Variants in GNG12 observed in about 807,000 individuals in gnomAD.
GNG12 encodes the protein guanine nucleotide-binding protein G(I)/G(S)/G(O) subunit gamma-12.
For missense variants in GNG12, 69 were observed against 83.8 expected (o/e 0.82, Z 0.69); for synonymous variants, 28 against 29.7 (o/e 0.94, Z 0.19).
chr1:67,782,452 T>C (rs1169817499), intron 1 of GNG12, among the ~76,000 whole-genome samples: 1 of 152,154 alleles, frequency 6.6e-6, no homozygotes, highest in Non-Finnish European at 1.5e-5. Flanking sequence ...ACCACCCCAT[T>C]ATCTCCACCT....
rs141787042 is a variant in GNG12 at position 67,791,392 on chromosome 1, G to A, written c.-76-13885C>T. ...TCCAGTCTCAGCTTGCTCTTTGAACGTCAGACTTACTTGTCTGACTGATTT... is the reference window on the plus strand; with the variant it reads ...TCCAGTCTCAGCTTGCTCTTTGAACATCAGACTTACTTGTCTGACTGATTT... On this transcript the variant is annotated intron_variant, in intron 1 of 3. Transcript: ENST00000370982. Among the ~76,000 whole-genome samples, 1,195 of 152,034 alleles carry A rather than the reference G, an allele frequency of 7.9e-3. 17 individuals are homozygous for A. The highest frequency in any genetic ancestry group is 0.027 in the African/African-American group (1,125 of 41,424).
intron 2 of GNG12, among the ~76,000 whole-genome samples, chr1:67,713,852 A>G (rs1442298420): frequency 2.6e-5 from 4 of 152,244 alleles, no homozygotes; most frequent in Non-Finnish European, 5.9e-5. Flanking sequence ...GCCGGCCCCT[A>G]GGCTCACTAA....
intron 1 of GNG12, among the ~76,000 whole-genome samples, chr1:67,792,514 T>G (rs1324119879): frequency 6.6e-6 from 1 of 152,236 alleles, no homozygotes; most frequent in East Asian, 1.9e-4. Context: ...ACCTCATGGC[T>G]ACATTCTGAA....
intron 2 of GNG12, among the ~76,000 whole-genome samples, chr1:67,764,235 A>C (rs902057222): frequency 1.3e-5 from 2 of 152,188 alleles, no homozygotes; most frequent in African/African-American, 4.8e-5. Context: ...CTCCAGGTAG[A>C]CAGGGAATAG....
chr1:67,737,538 C>T (rs1646459213), intron 2 of GNG12, among the ~76,000 whole-genome samples: 2 of 152,072 alleles, frequency 1.3e-5, no homozygotes, highest in Non-Finnish European at 2.9e-5. Context: ...CTTCCCTTTC[C>T]CTTTCTGCAT....
intron 2 of GNG12, among the ~76,000 whole-genome samples, chr1:67,767,361 G>A (rs493549): frequency 0.54 from 82,057 of 152,002 alleles, 23,284 homozygotes; most frequent in South Asian, 0.63. Context: ...ATTGCCTGGA[G>A]ACAGATACCG....
chr1:67,825,529 A>T (rs570179505), intron 1 of GNG12, among the ~76,000 whole-genome samples: 1 of 152,330 alleles, frequency 6.6e-6, no homozygotes, highest in East Asian at 1.9e-4. Flanking sequence ...AACTTAAAAA[A>T]GCAAGAAAGT....
chr1:67,728,634 G>T (rs963816997), intron 2 of GNG12, among the ~76,000 whole-genome samples: 1 of 152,136 alleles, frequency 6.6e-6, no homozygotes, highest in Non-Finnish European at 1.5e-5. Context: ...ATATGCACAC[G>T]GGGAAGGGAG....
intron 1 of GNG12, among the ~76,000 whole-genome samples, chr1:67,822,095 A>C (rs998938905): frequency 2.0e-5 from 3 of 151,954 alleles, no homozygotes; most frequent in Non-Finnish European, 4.4e-5. Flanking sequence ...AAAATCTCAT[A>C]ATGTTTTAAG....
At chr1:67,799,682 C>T (rs1030717466) in intron 1 of GNG12, among the ~76,000 whole-genome samples, 9 of 152,124 alleles carry the variant, frequency 5.9e-5, no homozygotes, top group South Asian at 2.1e-4. Context: ...CTGATATATA[C>T]TGTTAGAAAT....
chr1:67,761,633 T>C (rs140919892), intron 2 of GNG12, among the ~76,000 whole-genome samples: 377 of 152,310 alleles, frequency 2.5e-3, no homozygotes, highest in Non-Finnish European at 4.2e-3. Context: ...CAGGTCGACT[T>C]GGCTCTTTGG....
Position 67,703,515 on chromosome 1 carries a change from A to G in GNG12, c.*1936T>C, listed in dbSNP as rs928914252. On this transcript the variant is annotated 3_prime_UTR_variant, in exon 4 of 4. Coordinates refer to ENST00000370982, the MANE Select transcript of GNG12 (RefSeq NM_018841.6). ...AGAAAAATAGACTTATAAAAAAAAG[A>G]ATGTCTCATTAAGTGAAGCATTAAA... is the stretch of plus-strand genomic sequence containing the variant. 1 of 152,240 alleles carries G rather than the reference A, an allele frequency of 6.6e-6. No individual in the cohort carries two copies. The highest frequency in any genetic ancestry group is 1.5e-5 in the Non-Finnish European group (1 of 68,048). 9.4% of individuals were successfully genotyped at this position (152,240 alleles called of 1,614,324 possible). A position where few individuals can be genotyped will look rare whatever the true frequency, so the allele number is the denominator to read the frequency against.
intron 2 of GNG12, among the ~76,000 whole-genome samples, chr1:67,744,456 C>T (rs1646497964): frequency 6.6e-6 from 1 of 152,224 alleles, no homozygotes; most frequent in Admixed American, 6.5e-5. Flanking sequence ...GTGCCCTACA[C>T]TGTGCTCGGG....
At chr1:67,779,676 C>T (rs192245542) in intron 1 of GNG12, among the ~76,000 whole-genome samples, 3 of 152,288 alleles carry the variant, frequency 2.0e-5, no homozygotes, top group Non-Finnish European at 1.5e-5. Context: ...TCTGCAGTAG[C>T]GCCAATAAGG....
intron 2 of GNG12, among the ~76,000 whole-genome samples, chr1:67,747,029 A>G (rs1038702289): frequency 5.3e-5 from 8 of 152,140 alleles, no homozygotes; most frequent in Non-Finnish European, 1.5e-5. Context: ...AGTTACTCCT[A>G]TCTTTCCTGA....
Position 67,705,527 on chromosome 1 carries a change from C to T in GNG12, c.143G>A (p.Arg48Lys). Reference protein sequence around the residue: ...DLMSYCEEHARSDPLLIGIPT... With the variant: ...DLMSYCEEHAKSDPLLIGIPT... ...TATTCCTATCAGCAAAGGGTCACTC[C>T]TGGCATGTTCCTCACAGTAGGACAT... is the stretch of plus-strand genomic sequence containing the variant. Residue 48 changes from arginine to lysine, a missense_variant, in exon 4 of 4, where the codon AGG becomes AAG. Coordinates refer to ENST00000370982, the MANE Select transcript of GNG12 (RefSeq NM_018841.6). The T allele has an allele frequency of 6.2e-7, 1 of 1,614,106 alleles. No individual in the cohort carries two copies. Among genetic ancestry groups the T allele is most frequent in the Non-Finnish European group, 8.5e-7 (1 of 1,180,008 alleles).
intron 2 of GNG12, among the ~76,000 whole-genome samples, chr1:67,715,846 A>G (rs1646322384): frequency 6.6e-6 from 1 of 152,244 alleles, no homozygotes; most frequent in South Asian, 2.1e-4. Context: ...GTAAACTGCA[A>G]ATAACTTATA....
At chr1:67,824,172 T>G (rs1646998740) in intron 1 of GNG12, among the ~76,000 whole-genome samples, 1 of 151,840 alleles carries the variant, frequency 6.6e-6, no homozygotes, top group South Asian at 2.1e-4. Context: ...GGGAGCAAGG[T>G]TTTTGAATTT....
chr1:67,819,677 TTC>T (rs1334053832), intron 1 of GNG12, among the ~76,000 whole-genome samples: 2 of 152,178 alleles, frequency 1.3e-5, no homozygotes, highest in Non-Finnish European at 2.9e-5. Context: ...ATGTGATCTG[TTC>T]TCTGTCTACT....
Sources: allele counts gnomAD v4.1 joint callset (sites outside exome capture counted in the v4.1 genomes callset), GRCh38; gene constraint gnomAD v4.1.1; transcripts MANE v1.5; gene names NCBI Gene and HGNC (gene_info 2026-07-23, HGNC 2026-07-21).